The following TREML4 variants were observed in gnomAD, a reference collection of about 807,000 sequenced individuals.
TREML4 encodes triggering receptor expressed on myeloid cells like 4.
In TREML4, 25 loss-of-function variants were observed where a neutral mutation model predicts 25.4. That is an observed-to-expected ratio of 0.98 (90% CI 0.72 to 1.37). TREML4 has a LOEUF of 1.37. TREML4 is among the 40% of genes most tolerant of loss of function. The pLI is 0.00. For synonymous variants in TREML4, 92 were observed against 87.9 expected, an observed-to-expected ratio of 1.05 and a Z score of -0.26; for missense variants, 268 against 236.5, an observed-to-expected ratio of 1.13 and a Z score of -0.87.
At position 41,237,856 on chromosome 6, in the gene TREML4, C is replaced by T. The variant is rs1766932960; in HGVS notation, c.*837C>T. 1 of 152,084 alleles carries T rather than the reference C, an allele frequency of 6.6e-6. No homozygotes were observed. Among genetic ancestry groups the T allele is most frequent in the Non-Finnish European group, 1.5e-5 (1 of 68,020 alleles). The allele number at this position is 152,084 out of a possible 1,614,324, so 9.4% of individuals were successfully genotyped here. A position where few individuals can be genotyped will look rare whatever the true frequency, so the allele number is the denominator to read the frequency against. On this transcript the variant is annotated 3_prime_UTR_variant, in exon 6 of 6. Transcript: ENST00000341495. ...CTTAACATGTGAGAAGATTCACAGCCTAAAAGAGAAAATCAAGTTGAACTA... is the reference window on the plus strand; with the variant it reads ...CTTAACATGTGAGAAGATTCACAGCTTAAAAGAGAAAATCAAGTTGAACTA...
intron 2 of TREML4, 108 bp downstream of exon 2, chr6:41,229,152 T>C (rs2009934): frequency 0.1 from 98,333 of 957,552 alleles, 5,386 homozygotes; most frequent in African/African-American, 0.19. Flanking sequence ...TGCCAGGTAT[T>C]CTGCTGTGGT....
intron 4 of TREML4, among the ~76,000 whole-genome samples, chr6:41,234,577 CAG>C (rs1766864731): frequency 6.6e-6 from 1 of 151,820 alleles, no homozygotes; most frequent in African/African-American, 2.4e-5. Flanking sequence ...ACTGATTCTA[CAG>C]AGATTTTAAA....
rs551155876 is a variant in TREML4, at chr6:41,237,854, G to C, written c.*835G>C. 3 of 152,356 alleles carry C rather than the reference G, an allele frequency of 2.0e-5. No individual in the cohort carries two copies. Among genetic ancestry groups the C allele is most frequent in the African/African-American group, 4.8e-5 (2 of 41,582 alleles). 9.4% of individuals were successfully genotyped at this position (152,356 alleles called of 1,614,324 possible). On this transcript the variant is annotated 3_prime_UTR_variant, in exon 6 of 6. Transcript: ENST00000341495. ...TACTTAACATGTGAGAAGATTCACA[G>C]CCTAAAAGAGAAAATCAAGTTGAAC...
At position 41,228,717 on chromosome 6, in the gene TREML4, G is replaced by T; in HGVS notation, c.67G>T (p.Ala23Ser). 1 of 1,612,100 alleles carries T rather than the reference G, an allele frequency of 6.2e-7. No individual in the cohort carries two copies. Among genetic ancestry groups the T allele is most frequent in the South Asian group, 1.1e-5 (1 of 90,974 alleles). ...TTCTGCCGGTTCCTGGGTAAAGGGT[G>T]CTGTGCCTGAAGAACTTCACAAACA... is the stretch of plus-strand genomic sequence containing the variant. ...LCCCCSWPQG[A>S]VPEELHKHPG... Residue 23 changes from alanine (A) to serine (S), a missense_variant, in exon 2 of 6, where the codon GCT becomes TCT. Coordinates refer to ENST00000341495, the MANE Select transcript of TREML4 (RefSeq NM_198153.3).
chr6:41,232,169 A>G (rs1449152069), intron 4 of TREML4, among the ~76,000 whole-genome samples: 1 of 152,204 alleles, frequency 6.6e-6, no homozygotes, highest in Non-Finnish European at 1.5e-5. Flanking sequence ...TGTCACTCCA[A>G]TGTGAAATCA....
At chr6:41,229,351 A>AAC (rs1206192578) in intron 2 of TREML4, among the ~76,000 whole-genome samples, 170 bp from the exon 3 acceptor site, 8 of 151,808 alleles carry the variant, frequency 5.3e-5, no homozygotes, top group African/African-American at 9.7e-5. Flanking sequence ...CACACACACT[A>AAC]ACACACACAC....
rs80325844 is a variant in TREML4 at position 41,228,866 on chromosome 6, C to T, written c.216C>T (p.Pro72=). The part of the protein sequence containing the change: ...RCTLLVTSSK[P]WTAVQKSHYT... ...CCTTACTTGTCACCAGCTCCAAGCCCTGGACAGCAGTTCAGAAGTCTCATT... is the reference window on the plus strand; with the variant it reads ...CCTTACTTGTCACCAGCTCCAAGCCTTGGACAGCAGTTCAGAAGTCTCATT... Residue 72 remains proline, a synonymous_variant, in exon 2 of 6, where the codon CCC becomes CCT. Transcript: ENST00000341495. 30,587 of 1,614,044 alleles carry T rather than the reference C, an allele frequency of 0.019. 724 individuals are homozygous for T. The highest frequency in any genetic ancestry group is 0.11 in the African/African-American group (8,129 of 74,990).
In TREML4 at chr6:41,238,024, T is replaced by A. The variant is rs914446753; in HGVS notation, c.*1005T>A. 1 of 152,246 alleles carries A rather than the reference T, an allele frequency of 6.6e-6. No individual in the cohort carries two copies. Among genetic ancestry groups the A allele is most frequent in the African/African-American group, 2.4e-5 (1 of 41,460 alleles). 9.4% of individuals were successfully genotyped at this position (152,246 alleles called of 1,614,324 possible). A position where few individuals can be genotyped will look rare whatever the true frequency, so the allele number is the denominator to read the frequency against. ...CACCACTCAGAATGGGGGTCCACCA[T>A]GAGCAACAGATTTGAGGTACCAGTG... is the stretch of plus-strand genomic sequence containing the variant. On this transcript the variant is annotated 3_prime_UTR_variant, in exon 6 of 6. Coordinates refer to ENST00000341495, the MANE Select transcript of TREML4 (RefSeq NM_198153.3).
At chr6:41,228,533 T>C (rs1220019054) in intron 1 of TREML4, 43 bp downstream of exon 1, 5 of 1,592,118 alleles carry the variant, frequency 3.1e-6, no homozygotes, top group African/African-American at 2.7e-5. Flanking sequence ...AGGAGTGGGA[T>C]GAAGAATGAG....
intron 3 of TREML4, 113 bp downstream of exon 3, chr6:41,229,684 G>A (rs762368621): frequency 1.7e-6 from 2 of 1,179,590 alleles, no homozygotes; most frequent in South Asian, 2.4e-5. Context: ...CTGATCTCTT[G>A]GGGCCTGGGC....
Position 41,228,874 on chromosome 6 carries a change from C to T in TREML4, c.224C>T (p.Ala75Val). The stretch of plus-strand genomic sequence containing the variant: ...GTCACCAGCTCCAAGCCCTGGACAG[C>T]AGTTCAGAAGTCTCATTACACAATC... Reference protein sequence around the residue: ...LLVTSSKPWTAVQKSHYTIWD... With the variant: ...LLVTSSKPWTVVQKSHYTIWD... The change falls in exon 2 of 6, where the codon GCA becomes GTA. Residue 75 changes from alanine to valine, a missense_variant. Coordinates refer to ENST00000341495, the MANE Select transcript of TREML4 (RefSeq NM_198153.3). The T allele has an allele frequency of 6.2e-7, 1 of 1,614,186 alleles. No individual in the cohort carries two copies. The highest frequency in any genetic ancestry group is 8.5e-7 in the Non-Finnish European group (1 of 1,180,026).
At chr6:41,236,966 G>GGAGTAAC in intron 5 of TREML4, 89 bp from the exon 6 acceptor site, 1 of 179,306 alleles carries the variant, frequency 5.6e-6, no homozygotes, top group Non-Finnish European at 1.2e-5. Flanking sequence ...GGCGGGAAGA[G>GGAGTAAC]GAGTAACAGG....
Position 41,237,069 on chromosome 6 carries a change from G to A in TREML4, c.*50G>A, listed in dbSNP as rs989604718. 6.4e-5 allele frequency: 10 copies of A among 155,328 alleles called. No homozygotes were observed. Among genetic ancestry groups the A allele is most frequent in the Middle Eastern group, 3.0e-3 (1 of 330 alleles). 9.6% of individuals were successfully genotyped at this position (155,328 alleles called of 1,614,324 possible). On this transcript the variant is annotated 3_prime_UTR_variant, in exon 6 of 6. Coordinates refer to ENST00000341495, the MANE Select transcript of TREML4 (RefSeq NM_198153.3). ...CCCCATCTCAGGACAGCAGTGACGA[G>A]GTTTCTGATTGTCCCAGCACAGCCT... is the stretch of plus-strand genomic sequence containing the variant.
Position 41,230,088 on chromosome 6 carries a change from T to G in TREML4, c.472T>G (p.Ser158Ala), listed in dbSNP as rs1766758661. The G allele has an allele frequency of 6.2e-7, 1 of 1,611,884 alleles. No individual in the cohort carries two copies. Among genetic ancestry groups the G allele is most frequent in the Non-Finnish European group, 8.5e-7 (1 of 1,177,962 alleles). Residue 158 changes from serine to alanine, a missense_variant, in exon 4 of 6, where the codon TCT becomes GCT. Coordinates refer to ENST00000341495, the MANE Select transcript of TREML4 (RefSeq NM_198153.3). ...TCTGATCACTTCTCCAGAGGGGACCTCTGGCCATCCCTCCATCAATGGCTC... is the reference window on the plus strand; with the variant it reads ...TCTGATCACTTCTCCAGAGGGGACCGCTGGCCATCCCTCCATCAATGGCTC... ...TVLITSPEGT[S>A]GHPSINGSET...
At chr6:41,230,009 A>G (rs1766756701) in intron 3 of TREML4, 53 bp from the exon 4 acceptor site, 1 of 1,481,344 alleles carries the variant, frequency 6.8e-7, no homozygotes, top group Non-Finnish European at 9.4e-7. Flanking sequence ...ACCCAATCCC[A>G]TTCTCTATTC....
At chr6:41,231,316 CT>C (rs1766795380) in intron 4 of TREML4, among the ~76,000 whole-genome samples, 1 of 151,928 alleles carries the variant, frequency 6.6e-6, no homozygotes, top group South Asian at 2.1e-4. Flanking sequence ...TGCTTTAGGG[CT>C]TTTTCCTCTC....
rs1391649449 is a variant in TREML4 at position 41,231,007 on chromosome 6, G to T, written c.506+885G>T. 9 of 306,504 alleles carry T rather than the reference G, an allele frequency of 2.9e-5. No homozygotes were observed. In the East Asian group the frequency reaches 7.3e-4, roughly 25 times the overall value. The allele number at this position is 306,504 out of a possible 1,614,324, so 19.0% of individuals were successfully genotyped here. A position where few individuals can be genotyped will look rare whatever the true frequency, so the allele number is the denominator to read the frequency against. On this transcript the variant is annotated intron_variant, in intron 4 of 5. Coordinates refer to ENST00000341495, the MANE Select transcript of TREML4 (RefSeq NM_198153.3). ...CCTGTTGTGAACTGTGCATGCGAGG[G>T]TTCTAGGTTGCACGCTCCTTATGAT...
At chr6:41,229,993 T>G in intron 3 of TREML4, 69 bp from the exon 4 acceptor site, 1 of 1,362,508 alleles carries the variant, frequency 7.3e-7, no homozygotes, top group Non-Finnish European at 1.1e-6. Flanking sequence ...CTCTCACACT[T>G]TTGGGACCCA....
intron 2 of TREML4, 99 bp downstream of exon 2, chr6:41,229,143 GC>G: frequency 9.0e-7 from 1 of 1,116,410 alleles, no homozygotes; most frequent in Non-Finnish European, 1.3e-6. Context: ...CCCCCATCCT[GC>G]CAGGTATTCT....
Sources: allele counts gnomAD v4.1 joint callset (sites outside exome capture counted in the v4.1 genomes callset), GRCh38; gene constraint gnomAD v4.1.1; transcripts MANE v1.5; gene names NCBI Gene and HGNC (gene_info 2026-07-23, HGNC 2026-07-21).